The following DCHS2 variants were observed in gnomAD, a reference collection of about 807,000 sequenced individuals.
DCHS2 encodes the protein dachsous cadherin-related 2.
A neutral mutation model predicts 182.4 loss-of-function variants in DCHS2; 142 were observed. The observed-to-expected ratio is 0.78, with a 90% CI of 0.68 to 0.89. DCHS2 has a LOEUF of 0.89. DCHS2 is among the 40% of genes least tolerant of loss of function. The pLI, the probability that DCHS2 is intolerant of heterozygous loss-of-function variation, is 0.00. For missense variants in DCHS2, 4,319 were observed against 4,198.6 expected (o/e 1.03, Z -0.79); for synonymous variants, 1,740 against 1,663.3 (o/e 1.05, Z -1.12).
At chr4:154,377,487 C>T in intron 1 of DCHS2, 43 bp from the exon 2 acceptor site, 1 of 1,500,126 alleles carries the variant, frequency 6.7e-7, no homozygotes, top group African/African-American at 1.4e-5. Flanking sequence ...GAAATGCTAG[C>T]ATTACTTTTC....
chr4:154,360,443 A>G (rs566322028), intron 3 of DCHS2, among the ~76,000 whole-genome samples: 4 of 152,114 alleles, frequency 2.6e-5, no homozygotes, highest in African/African-American at 9.7e-5. Context: ...TTTGTTTCCT[A>G]TGAAAGTAAC....
chr4:154,341,433 C>T (rs1167590904), intron 3 of DCHS2, among the ~76,000 whole-genome samples: 1 of 151,380 alleles, frequency 6.6e-6, no homozygotes. Context: ...AAGCACCTAA[C>T]CATACAAGGT....
intron 14 of DCHS2, among the ~76,000 whole-genome samples, chr4:154,264,480 T>C (rs1733146751): frequency 1.3e-5 from 2 of 151,874 alleles, no homozygotes; most frequent in African/African-American, 2.4e-5. Flanking sequence ...GAAAGACAGA[T>C]GAAAAATATA....
intron 1 of DCHS2, among the ~76,000 whole-genome samples, chr4:154,440,254 G>A (rs1454371503): frequency 6.6e-6 from 1 of 152,176 alleles, no homozygotes; most frequent in Non-Finnish European, 1.5e-5. Context: ...CCTAGCATGA[G>A]TTATAAAGAG....
rs575697548 is a variant in DCHS2 at position 154,278,258 on chromosome 4, C to G, written c.6464-8245G>C. The stretch of plus-strand genomic sequence containing the variant: ...AGAGGGATTTAACAGAAGACTTGAT[C>G]AAACAGAGGAATCAGTGAACTTGAA... On this transcript the variant is annotated intron_variant, in intron 13 of 19. Transcript: ENST00000357232. Among the ~76,000 whole-genome samples the G allele has an allele frequency of 8.9e-4, 136 of 152,066 alleles. 1 individual carries two copies. Among genetic ancestry groups the G allele is most frequent in the African/African-American group, 3.0e-3 (126 of 41,486 alleles).
intron 18 of DCHS2, among the ~76,000 whole-genome samples, chr4:154,240,328 A>G (rs1731744667): frequency 6.6e-6 from 1 of 151,554 alleles, no homozygotes. Context: ...AAAAATACAT[A>G]TGTAGTAAAC....
At chr4:154,266,499 AC>A (rs531573807) in intron 14 of DCHS2, among the ~76,000 whole-genome samples, 1 of 152,194 alleles carries the variant, frequency 6.6e-6, no homozygotes, top group South Asian at 2.1e-4. Context: ...TAAAAAAATT[AC>A]AAAAAATTAC....
intron 9 of DCHS2, among the ~76,000 whole-genome samples, chr4:154,319,459 T>TA (rs1002147320): frequency 2.6e-5 from 4 of 151,478 alleles, no homozygotes; most frequent in East Asian, 3.9e-4. Context: ...AGAATATATA[T>TA]AAAAAAACTC....
At chr4:154,307,538 C>T (rs1735495045) in intron 10 of DCHS2, among the ~76,000 whole-genome samples, 1 of 152,138 alleles carries the variant, frequency 6.6e-6, no homozygotes. Flanking sequence ...GGATACCTCT[C>T]CTCAATTCAT....
intron 1 of DCHS2, among the ~76,000 whole-genome samples, chr4:154,417,202 TGTGAGAGAGAGAGAGAGA>T (rs1167070884): frequency 7.6e-4 from 32 of 42,010 alleles, no homozygotes; most frequent in Middle Eastern, 0.024. Context: ...TGTGTGTGTG[TGTGAGAGAGAGAGAGAGA>T]GAGAGAGAGA....
chr4:154,384,384 G>T (rs1161378984), intron 1 of DCHS2: 1 of 1,612,964 alleles, frequency 6.2e-7, no homozygotes, highest in Non-Finnish European at 8.5e-7. Context: ...TTCCTTCACT[G>T]GTTTTGCGTT....
intron 9 of DCHS2, among the ~76,000 whole-genome samples, chr4:154,319,064 CA>C (rs1403252619): frequency 6.6e-6 from 1 of 152,070 alleles, no homozygotes; most frequent in African/African-American, 2.4e-5. Flanking sequence ...AATTGATCTT[CA>C]ACAAGGTTTC....
rs375491135 is a variant in DCHS2 at position 154,333,268 on chromosome 4, G to C, written c.2940C>G (p.Leu980=). The change falls in exon 5 of 20, where the codon CTC becomes CTG. Residue 980 remains leucine, a synonymous_variant. Transcript: ENST00000357232. ...ATATTCTAATCTCATCCGAGGTCCT[G>C]AGGAACGCTGGGTGGTTGTCATTGA... is the stretch of plus-strand genomic sequence containing the variant. ...MDVNDNHPAF[L]RTSDEIRISQ... The C allele has an allele frequency of 8.1e-6, 13 of 1,614,110 alleles. No individual in the cohort carries two copies. The highest frequency in any genetic ancestry group is 1.1e-5 in the Non-Finnish European group (13 of 1,180,048).
chr4:154,376,674 T>C (rs7688746), intron 2 of DCHS2, among the ~76,000 whole-genome samples: 76,194 of 151,960 alleles, frequency 0.5, 20,014 homozygotes, highest in East Asian at 0.7. Context: ...AAGAAGCAAA[T>C]GGCATCACCT....
intron 1 of DCHS2, among the ~76,000 whole-genome samples, chr4:154,417,202 TGTGAGAGAGAGAGAGAGAGAGA>T (rs1367457187): frequency 2.4e-5 from 1 of 42,018 alleles, no homozygotes; most frequent in African/African-American, 8.4e-5. Context: ...TGTGTGTGTG[TGTGAGAGAGAGAGAGAGAGAGA>T]GAGAGAGAGA....
intron 10 of DCHS2, among the ~76,000 whole-genome samples, chr4:154,310,885 C>T (rs757535757): frequency 6.6e-6 from 1 of 152,150 alleles, no homozygotes; most frequent in Non-Finnish European, 1.5e-5. Context: ...GATTGGCAAA[C>T]TACAGTCCAG....
intron 12 of DCHS2, among the ~76,000 whole-genome samples, chr4:154,300,635 A>C (rs1320352004): frequency 6.6e-6 from 1 of 151,794 alleles, no homozygotes; most frequent in African/African-American, 2.4e-5. Flanking sequence ...GGCTGCAGTG[A>C]GCTGTGATTG....
At chr4:154,366,939 C>CG (rs1730399591) in intron 2 of DCHS2, among the ~76,000 whole-genome samples, 1 of 152,166 alleles carries the variant, frequency 6.6e-6, no homozygotes, top group African/African-American at 2.4e-5. Flanking sequence ...GGAGCATGGG[C>CG]AGGGGGGTGC....
chr4:154,438,619 C>T (rs552561334), intron 1 of DCHS2, among the ~76,000 whole-genome samples: 99 of 152,234 alleles, frequency 6.5e-4, no homozygotes, highest in Non-Finnish European at 1.0e-3. Context: ...ATTCAATTCA[C>T]GAACATGTTA....
Sources: allele counts gnomAD v4.1 joint callset (sites outside exome capture counted in the v4.1 genomes callset), GRCh38; gene constraint gnomAD v4.1.1; transcripts MANE v1.5; gene names NCBI Gene and HGNC (gene_info 2026-07-23, HGNC 2026-07-21).